Variants in SLC6A11 observed in about 807,000 individuals in gnomAD.
The protein encoded by SLC6A11 is sodium- and chloride-dependent GABA transporter 3.
A neutral mutation model predicts 74.8 loss-of-function variants in SLC6A11; 25 were observed. The ratio of observed to expected loss-of-function variants is 0.33; its 90% CI spans 0.24 to 0.47. SLC6A11 has a LOEUF of 0.47. Ranked by LOEUF, SLC6A11 falls within the 20% of genes least tolerant of loss-of-function variation. The probability of loss-of-function intolerance (pLI) is 1.00; values close to 1 mark genes in which losing one functional copy is unlikely to be tolerated. For synonymous variants in SLC6A11, 330 were observed against 330.2 expected, an observed-to-expected ratio of 1.00 and a Z score of 0.01; for missense variants, 574 against 837.0, an observed-to-expected ratio of 0.69 and a Z score of 3.88.
chr3:10,871,312 G>A (rs1043681546), intron 5 of SLC6A11, among the ~76,000 whole-genome samples: 26 of 152,156 alleles, frequency 1.7e-4, no homozygotes, highest in African/African-American at 6.3e-4. Context: ...TTTTTGAGTT[G>A]TTCTTATGTT....
intron 5 of SLC6A11, among the ~76,000 whole-genome samples, chr3:10,871,544 G>T (rs570083418): frequency 1.3e-5 from 2 of 152,078 alleles, no homozygotes; most frequent in East Asian, 1.9e-4. Context: ...CTTTGGTTGG[G>T]GGGGAGGGGG....
At chr3:10,835,810 G>T (rs1299885570) in intron 4 of SLC6A11, among the ~76,000 whole-genome samples, 1 of 152,210 alleles carries the variant, frequency 6.6e-6, no homozygotes, top group Admixed American at 6.5e-5. Context: ...ATGTTAGGAA[G>T]TATTGCCTTG....
At chr3:10,889,874 C>T (rs1166230261) in intron 6 of SLC6A11, among the ~76,000 whole-genome samples, 2 of 152,168 alleles carry the variant, frequency 1.3e-5, no homozygotes, top group Non-Finnish European at 2.9e-5. Context: ...GGGCCACCCA[C>T]CTGCCCTCGC....
intron 6 of SLC6A11, among the ~76,000 whole-genome samples, chr3:10,882,429 A>C (rs1209133100): frequency 6.6e-6 from 1 of 151,982 alleles, no homozygotes; most frequent in Non-Finnish European, 1.5e-5. Flanking sequence ...CCCAGCTTGC[A>C]CTCATCACCA....
intron 6 of SLC6A11, among the ~76,000 whole-genome samples, chr3:10,878,787 C>T (rs1265626675): frequency 6.6e-6 from 1 of 152,090 alleles, no homozygotes; most frequent in Non-Finnish European, 1.5e-5. Context: ...CATGCACCAC[C>T]CCCAGCACCC....
chr3:10,858,695 G>A (rs1694667038), intron 5 of SLC6A11, among the ~76,000 whole-genome samples: 1 of 152,264 alleles, frequency 6.6e-6, no homozygotes, highest in Non-Finnish European at 1.5e-5. Context: ...ACAGAGCTGG[G>A]ACTGGAAGCC....
At chr3:10,892,916 G>A (rs1695124638) in intron 6 of SLC6A11, among the ~76,000 whole-genome samples, 2 of 152,178 alleles carry the variant, frequency 1.3e-5, no homozygotes, top group South Asian at 4.1e-4. Flanking sequence ...TTCTAAGCAA[G>A]CGTATGATTA....
intron 6 of SLC6A11, among the ~76,000 whole-genome samples, chr3:10,890,531 A>G (rs897959406): frequency 6.6e-6 from 1 of 152,272 alleles, no homozygotes. Context: ...TGACTCAGTC[A>G]GTGTGGCTGT....
At chr3:10,881,419 A>C (rs1207519294) in intron 6 of SLC6A11, among the ~76,000 whole-genome samples, 1 of 152,230 alleles carries the variant, frequency 6.6e-6, no homozygotes, top group Non-Finnish European at 1.5e-5. Flanking sequence ...CCGTCTCAAA[A>C]ATAAATAAGT....
intron 5 of SLC6A11, among the ~76,000 whole-genome samples, chr3:10,865,773 T>A (rs4481143): frequency 0.27 from 41,346 of 152,196 alleles, 6,063 homozygotes; most frequent in South Asian, 0.47. Flanking sequence ...TCCTGATTCC[T>A]TTTATTGCTG....
chr3:10,816,376 C>T lies in SLC6A11; in HGVS notation c.111C>T (p.Arg37=), dbSNP rs890478918. The stretch of plus-strand genomic sequence containing the variant: ...GCAGCGGGGGCGCGGCGCCCGCGCG[C>T]CACCCGCGCGTCAAGCGCGACAAGG... ...GCSSGGAAPA[R]HPRVKRDKAV... Residue 37 remains arginine (R), a synonymous_variant, in exon 1 of 14, where the codon CGC becomes CGT. Coordinates refer to ENST00000254488, the MANE Select transcript of SLC6A11 (RefSeq NM_014229.3). The surrounding 1 kb of genome is among the most constrained non-coding windows in gnomAD (Gnocchi z 4.2). 6.7e-7 allele frequency: 1 copy of T among 1,490,924 alleles called. No individual in the cohort carries two copies. The highest frequency in any genetic ancestry group is 1.5e-5 in the African/African-American group (1 of 68,452). 92.4% of individuals were successfully genotyped at this position (1,490,924 alleles called of 1,614,324 possible). A position where few individuals can be genotyped will look rare whatever the true frequency, so the allele number is the denominator to read the frequency against.
chr3:10,933,044 G>A (rs752632191), intron 10 of SLC6A11, 107 bp from the exon 11 acceptor site: 1 of 761,098 alleles, frequency 1.3e-6, no homozygotes, highest in Non-Finnish European at 2.3e-6. Flanking sequence ...TCCTGGCAGT[G>A]GTAGCCACAG....
chr3:10,929,213 G>T lies in SLC6A11; in HGVS notation c.1245G>T (p.Val415=). The part of the protein sequence containing the change: ...FLGLDSQFVC[V]ESLVTAVVDM... ...ATCTCCCCATCCAGTTTGTGTGTGT[G>T]GAAAGCCTGGTGACCGCCGTGGTGG... The change falls in exon 10 of 14, where the codon GTG becomes GTT. Residue 415 remains valine, a synonymous_variant. Transcript: ENST00000254488. The T allele has an allele frequency of 6.2e-7, 1 of 1,614,048 alleles. No homozygotes were observed. Among genetic ancestry groups the T allele is most frequent in the East Asian group, 2.2e-5 (1 of 44,880 alleles).
intron 5 of SLC6A11, among the ~76,000 whole-genome samples, chr3:10,867,760 A>C (rs1474787935): frequency 4.6e-5 from 7 of 152,268 alleles, no homozygotes; most frequent in Admixed American, 3.9e-4. Context: ...TTCCCTTTTC[A>C]TGTCCCTTAA....
chr3:10,927,704 C>T (rs1332633864), intron 9 of SLC6A11, among the ~76,000 whole-genome samples: 1 of 152,230 alleles, frequency 6.6e-6, no homozygotes, highest in Admixed American at 6.5e-5. Flanking sequence ...AGGCCATAGC[C>T]TGGGCTTGAG....
At chr3:10,887,749 G>T (rs1695062472) in intron 6 of SLC6A11, among the ~76,000 whole-genome samples, 1 of 152,194 alleles carries the variant, frequency 6.6e-6, no homozygotes, top group Non-Finnish European at 1.5e-5. Flanking sequence ...TGCTGAAACA[G>T]ACAGTCTTTG....
chr3:10,846,435 G>A (rs999562814), intron 5 of SLC6A11, among the ~76,000 whole-genome samples: 1 of 152,202 alleles, frequency 6.6e-6, no homozygotes, highest in African/African-American at 2.4e-5. Context: ...AGGAGAGGTT[G>A]CCTGCACAAG....
intron 5 of SLC6A11, among the ~76,000 whole-genome samples, chr3:10,851,570 A>G (rs895069728): frequency 2.6e-5 from 4 of 152,196 alleles, no homozygotes; most frequent in Admixed American, 6.5e-5. Context: ...GAGGATGGTC[A>G]TTGCAAGGCC....
At chr3:10,925,463 C>T (rs577344919) in intron 8 of SLC6A11, among the ~76,000 whole-genome samples, 1 of 152,070 alleles carries the variant, frequency 6.6e-6, no homozygotes, top group African/African-American at 2.4e-5. Flanking sequence ...AAGTTCATCC[C>T]GAGGACACGT....
Sources: allele counts gnomAD v4.1 joint callset (sites outside exome capture counted in the v4.1 genomes callset), GRCh38; gene constraint gnomAD v4.1.1; non-coding constraint Gnocchi (gnomAD v3.1); transcripts MANE v1.5; gene names NCBI Gene and HGNC (gene_info 2026-07-23, HGNC 2026-07-21).